ASAH2: variants seen among roughly 807,000 people sequenced by gnomAD.
ASAH2 encodes N-acylsphingosine amidohydrolase 2, also known as neutral ceramidase.
A neutral mutation model predicts 82.9 loss-of-function variants in ASAH2; 58 were observed. That is an observed-to-expected ratio of 0.70 (90% CI 0.57 to 0.87). ASAH2 has a LOEUF of 0.87. Ranked by LOEUF, ASAH2 falls within the 40% of genes least tolerant of loss-of-function variation. The pLI is 0.00. For missense variants in ASAH2, 779 were observed against 834.0 expected (o/e 0.93, Z 0.81); for synonymous variants, 276 against 289.7 (o/e 0.95, Z 0.48).
intron 12 of ASAH2, 87 bp downstream of exon 12, chr10:50,210,736 G>A (rs1845430719): frequency 1.6e-5 from 19 of 1,157,866 alleles, no homozygotes; most frequent in Non-Finnish European, 2.4e-5. Context: ...ATTAATAAAT[G>A]TATTGGCTAC....
At position 50,245,385 on chromosome 10, in the gene ASAH2, C is replaced by T. The variant is rs569459344; in HGVS notation, c.197G>A (p.Arg66His). ...TGTGGAATGCTGGGTGGCTGTGGAG[C>T]GTTGGGCAGCTGTGGAGCCCTGGGT... ...PATQGSTAAQ[R>H]STATQHSTAT... The change falls in exon 3 of 21, where the codon CGC becomes CAC. Residue 66 changes from arginine (R) to histidine (H), a missense_variant. By Grantham distance (29) the Arg-to-His change is conservative. Transcript: ENST00000682911. The T allele has an allele frequency of 1.2e-5, 20 of 1,613,214 alleles. No homozygotes were observed. Among genetic ancestry groups the T allele is most frequent in the South Asian group, 3.3e-5 (3 of 91,034 alleles).
At chr10:50,241,884 C>T (rs964912797) in intron 4 of ASAH2, among the ~76,000 whole-genome samples, 4 of 151,896 alleles carry the variant, frequency 2.6e-5, no homozygotes, top group Non-Finnish European at 4.4e-5. Flanking sequence ...TGGGGCCTGT[C>T]GGTGGGTGGA....
intron 1 of ASAH2, among the ~76,000 whole-genome samples, chr10:50,249,071 G>A (rs1299654478): frequency 6.6e-6 from 1 of 152,204 alleles, no homozygotes; most frequent in Non-Finnish European, 1.5e-5. Flanking sequence ...TTGGGAGAAG[G>A]CTGGCTGGGG....
At chr10:50,229,687 C>T (rs1845978620) in intron 7 of ASAH2, among the ~76,000 whole-genome samples, 1 of 152,160 alleles carries the variant, frequency 6.6e-6, no homozygotes, top group East Asian at 1.9e-4. Flanking sequence ...ACTCCAGCCA[C>T]ACTCACCTTT....
rs1027577786 is a variant in ASAH2, at chr10:50,230,192, T to C, written c.893+2992A>G. ...CTCATAGTAGGTCCCTAGTGCAGAC[T>C]TGCTGAATGAAAAACTGAAAACAAA... is the stretch of plus-strand genomic sequence containing the variant. On this transcript the variant is annotated intron_variant, in intron 7 of 20. Coordinates refer to ENST00000682911, the MANE Select transcript of ASAH2 (RefSeq NM_019893.4). Among the ~76,000 whole-genome samples, 3 of 152,288 alleles carry C rather than the reference T, an allele frequency of 2.0e-5. No homozygotes were observed. In the East Asian group the frequency reaches 5.8e-4, roughly 29 times the overall value.
At chr10:50,245,778 T>C (rs1285860069) in intron 2 of ASAH2, among the ~76,000 whole-genome samples, 1 of 152,166 alleles carries the variant, frequency 6.6e-6, no homozygotes, top group Non-Finnish European at 1.5e-5. Context: ...GTGCCAGGTT[T>C]ACTAAATCCA....
In ASAH2 at chr10:50,229,099, T is replaced by C. The variant is rs911896594; in HGVS notation, c.893+4085A>G. On this transcript the variant is annotated intron_variant, in intron 7 of 20. Transcript: ENST00000682911. ...TGCACTTGTGACTTTCTTTTTGATG[T>C]AGACATTTGAAACCTGTTTTGCTTT... Among the ~76,000 whole-genome samples, 154 of 152,312 alleles carry C rather than the reference T, an allele frequency of 1.0e-3. 1 individual carries two copies. Among genetic ancestry groups the C allele is most frequent in the African/African-American group, 3.7e-3 (152 of 41,578 alleles).
chr10:50,248,459 A>T (rs1846528984), intron 2 of ASAH2, 25 bp downstream of exon 2: 3 of 1,609,414 alleles, frequency 1.9e-6, no homozygotes, highest in African/African-American at 1.3e-5. Flanking sequence ...TAAAAATTGC[A>T]TCTAAGAGAG....
At position 50,229,944 on chromosome 10, in the gene ASAH2, C is replaced by T. The variant is rs552721672; in HGVS notation, c.893+3240G>A. On this transcript the variant is annotated intron_variant, in intron 7 of 20. Coordinates refer to ENST00000682911, the MANE Select transcript of ASAH2 (RefSeq NM_019893.4). ...CTATCTGTATGCCTTCTGTCTCCCT[C>T]AGTAGACTGAAGTCCTATAAGGGCA... is the stretch of plus-strand genomic sequence containing the variant. Among the ~76,000 whole-genome samples the T allele has an allele frequency of 5.2e-3, 791 of 152,272 alleles. 4 individuals are homozygous for T. Among genetic ancestry groups the T allele is most frequent in the African/African-American group, 0.019 (769 of 41,548 alleles).
At chr10:50,231,005 C>T (rs985002264) in intron 7 of ASAH2, among the ~76,000 whole-genome samples, 1 of 150,396 alleles carries the variant, frequency 6.6e-6, no homozygotes, top group Admixed American at 6.7e-5. Flanking sequence ...CACGCCATTG[C>T]TCTCCAGCCT....
chr10:50,249,094 T>A (rs1365768849), intron 1 of ASAH2, among the ~76,000 whole-genome samples: 1 of 152,210 alleles, frequency 6.6e-6, no homozygotes, highest in Admixed American at 6.5e-5. Flanking sequence ...AGGACAGTAC[T>A]CTGTGGTCAT....
rs58927543 is a variant in ASAH2, at chr10:50,249,046, G to A, written c.-36-400C>T. ...CTGTTAACAAGGATGACTGATGCAC[G>A]CATACTTCTTGTATTTGGGAGAAGG... On this transcript the variant is annotated intron_variant, in intron 1 of 20. Coordinates refer to ENST00000682911, the MANE Select transcript of ASAH2 (RefSeq NM_019893.4). 4.0e-3 allele frequency among the ~76,000 whole-genome samples: 604 copies of A among 152,318 alleles called. 3 individuals carry two copies. The highest frequency in any genetic ancestry group is 0.013 in the African/African-American group (561 of 41,568).
intron 18 of ASAH2, among the ~76,000 whole-genome samples, chr10:50,194,899 T>A (rs1844933579): frequency 6.6e-6 from 1 of 150,728 alleles, no homozygotes; most frequent in African/African-American, 2.4e-5. Context: ...TCAAAATTGA[T>A]TAAAGATTTA....
chr10:50,199,751 C>T (rs1390795874), intron 16 of ASAH2, among the ~76,000 whole-genome samples: 5 of 150,964 alleles, frequency 3.3e-5, no homozygotes, highest in Non-Finnish European at 7.4e-5. Flanking sequence ...GAGGATCAGC[C>T]GGCAGTTACC....
At chr10:50,188,939 G>A (rs1487772066) in intron 20 of ASAH2, among the ~76,000 whole-genome samples, 1 of 134,218 alleles carries the variant, frequency 7.5e-6, no homozygotes, top group African/African-American at 2.9e-5. Context: ...ATTCAACTCA[G>A]GAATTTGGTA....
At chr10:50,204,798 A>G in intron 14 of ASAH2, 63 bp downstream of exon 14, 2 of 1,231,324 alleles carry the variant, frequency 1.6e-6, no homozygotes, top group Non-Finnish European at 2.4e-6. Context: ...CATGATAAGA[A>G]GCAATTCCAA....
At chr10:50,226,661 CTG>C (rs1845892846) in intron 7 of ASAH2, among the ~76,000 whole-genome samples, 1 of 151,974 alleles carries the variant, frequency 6.6e-6, no homozygotes, top group Non-Finnish European at 1.5e-5. Flanking sequence ...TAGGAAATCT[CTG>C]TACTTCCTGC....
At chr10:50,232,931 C>G (rs1409074088) in intron 7 of ASAH2, among the ~76,000 whole-genome samples, 2 of 152,096 alleles carry the variant, frequency 1.3e-5, no homozygotes, top group African/African-American at 4.8e-5. Context: ...CTGTGCCAAG[C>G]TCTTCACCAA....
chr10:50,228,717 T>C (rs1845952133), intron 7 of ASAH2, among the ~76,000 whole-genome samples: 1 of 150,994 alleles, frequency 6.6e-6, no homozygotes, highest in Non-Finnish European at 1.5e-5. Flanking sequence ...AATAAAAGGG[T>C]TTGCAATACA....
Sources: gnomAD v4.1 joint callset for allele counts (sites outside exome capture counted in the v4.1 genomes callset) on GRCh38, gnomAD v4.1.1 for gene constraint, MANE v1.5 for transcripts, NCBI Gene and HGNC (gene_info 2026-07-23, HGNC 2026-07-21) for gene names.